The following TEX14 variants were observed in gnomAD, a reference collection of about 807,000 sequenced individuals.
TEX14 encodes the protein testis expressed 14, intercellular bridge forming factor.
In TEX14, 168 loss-of-function variants were observed where a neutral mutation model predicts 178.6. That is an observed-to-expected ratio of 0.94 (90% CI 0.83 to 1.07). The LOEUF (loss-of-function observed/expected upper bound fraction) is 1.07. Ranked by LOEUF, TEX14 falls within the 50% of genes least tolerant of loss-of-function variation. TEX14 has a pLI of 0.00. For synonymous variants in TEX14, 626 were observed against 634.1 expected (o/e 0.99, Z 0.19); for missense variants, 1,730 against 1,753.6 (o/e 0.99, Z 0.24).
Position 58,599,416 on chromosome 17 carries a change from A to G in TEX14, c.1929T>C (p.Ala643=), listed in dbSNP as rs1415443390. The G allele has an allele frequency of 6.2e-7, 1 of 1,614,220 alleles. No homozygotes were observed. Among genetic ancestry groups the G allele is most frequent in the East Asian group, 2.2e-5 (1 of 44,880 alleles). The change falls in exon 14 of 32, where the codon GCT becomes GCC. Residue 643 remains alanine (A), a synonymous_variant. Transcript: ENST00000349033. ...EDDIEEPPGA[A]SSLEADGPNQ... The stretch of plus-strand genomic sequence containing the variant: ...TAGGTCCGTCTGCCTCCAAAGATGA[A>G]GCAGCTCCTGGAGGCTCTTCTATGT...
In TEX14 at chr17:58,556,912, C is replaced by A; in HGVS notation, c.*99G>T. On this transcript the variant is annotated 3_prime_UTR_variant, in exon 32 of 32. Coordinates refer to ENST00000349033, the MANE Select transcript of TEX14 (RefSeq NM_031272.5). Reference sequence around the variant, plus strand: ...CAAAGTGAGACTTACAGAACTGGAACTGCTGCCCTGACAGCAACTGAAGCA... The same window carrying A: ...CAAAGTGAGACTTACAGAACTGGAAATGCTGCCCTGACAGCAACTGAAGCA... 1.0e-6 allele frequency: 1 copy of A among 976,414 alleles called. No homozygotes were observed. Among genetic ancestry groups the A allele is most frequent in the Non-Finnish European group, 1.7e-6 (1 of 601,472 alleles). 60.5% of individuals were successfully genotyped at this position (976,414 alleles called of 1,614,324 possible).
rs1399919012 is a variant in TEX14, at chr17:58,651,896, A to C, written c.106T>G (p.Tyr36Asp). The change falls in exon 2 of 32, where the codon TAT becomes GAT. Residue 36 changes from tyrosine (Y) to aspartate (D), a missense_variant. Physicochemically the swap from Tyr to Asp is radical, Grantham distance 160 (BLOSUM62 -3). This residue lies in a region of TEX14 where 789 missense variants were observed against 681.2 expected (regional missense o/e 1.16). Coordinates refer to ENST00000349033, the MANE Select transcript of TEX14 (RefSeq NM_031272.5). ...TTAAGAATTTTCTTCACTTTCACAT[A>C]GTTCCCTTGTTTGACATACTCATGA... ...QLHEYVKQGN[Y>D]VKVKKILKKG... 6.2e-7 allele frequency: 1 copy of C among 1,610,114 alleles called. No individual in the cohort carries two copies. The highest frequency in any genetic ancestry group is 1.7e-5 in the Admixed American group (1 of 58,634).
At chr17:58,614,850 G>A (rs1199656011) in intron 8 of TEX14, among the ~76,000 whole-genome samples, 3 of 152,206 alleles carry the variant, frequency 2.0e-5, no homozygotes, top group African/African-American at 4.8e-5. Flanking sequence ...TGGATCTTAA[G>A]CAAGCCATGC....
At chr17:58,660,555 G>C (rs368083077) in intron 1 of TEX14, 1 of 777,602 alleles carries the variant, frequency 1.3e-6, no homozygotes, top group Non-Finnish European at 2.4e-6. Context: ...GCACCCTGCA[G>C]TCCTGCGGTG....
intron 5 of TEX14, among the ~76,000 whole-genome samples, chr17:58,620,038 T>C (rs564335264): frequency 1.3e-5 from 2 of 152,264 alleles, no homozygotes; most frequent in Non-Finnish European, 2.9e-5. Flanking sequence ...TAGCAATGAA[T>C]AGGATAGACA....
intron 1 of TEX14, among the ~76,000 whole-genome samples, chr17:58,683,371 C>T (rs1418953356): frequency 1.4e-5 from 2 of 143,230 alleles, no homozygotes; most frequent in African/African-American, 5.2e-5. Context: ...AGACTCCATC[C>T]CCCCCCCCAA....
intron 1 of TEX14, among the ~76,000 whole-genome samples, chr17:58,683,989 C>T (rs1219815094): frequency 2.0e-5 from 3 of 151,882 alleles, no homozygotes; most frequent in South Asian, 2.1e-4. Flanking sequence ...TGCTTGAACC[C>T]GAGAGACGGA....
intron 1 of TEX14, among the ~76,000 whole-genome samples, chr17:58,679,897 T>C (rs1027303668): frequency 6.6e-6 from 1 of 152,172 alleles, no homozygotes; most frequent in African/African-American, 2.4e-5. Flanking sequence ...CAGCAGTCAC[T>C]GCGCTTATCT....
In TEX14 at chr17:58,615,350, A is replaced by C. The variant is rs1270229322; in HGVS notation, c.768-5T>G. On this transcript the variant is annotated splice_polypyrimidine_tract_variant and splice_region_variant and intron_variant, in intron 7 of 31. Transcript: ENST00000349033. ...CTGCTCCCATTCCACACTAGGCTAC[A>C]AGGACAGGAAAGAGTTTCAGCAGAA... 1.3e-6 allele frequency: 2 copies of C among 1,556,892 alleles called. No individual in the cohort carries two copies. Among genetic ancestry groups the C allele is most frequent in the Non-Finnish European group, 1.8e-6 (2 of 1,128,028 alleles).
At chr17:58,558,059 G>A (rs183954421) in intron 30 of TEX14, among the ~76,000 whole-genome samples, 92 of 152,230 alleles carry the variant, frequency 6.0e-4, no homozygotes, top group Middle Eastern at 3.4e-3. Context: ...AGCAATGGGC[G>A]CTAATGACAC....
At chr17:58,682,079 G>A (rs2047509486) in intron 1 of TEX14, among the ~76,000 whole-genome samples, 1 of 151,602 alleles carries the variant, frequency 6.6e-6, no homozygotes, top group Non-Finnish European at 1.5e-5. Context: ...CTCCTGAGTA[G>A]CTGGGACTAC....
chr17:58,573,930 CAG>C (rs139752801), intron 22 of TEX14, among the ~76,000 whole-genome samples: 1,772 of 152,218 alleles, frequency 0.012, 42 homozygotes, highest in African/African-American at 0.041. Flanking sequence ...ACGTGGAAAA[CAG>C]ATTTAATCTA....
rs376483972 is a variant in TEX14 at position 58,660,946 on chromosome 17, C to G, written c.-1-8944G>C. The G allele has an allele frequency of 2.8e-6, 3 of 1,072,902 alleles. No homozygotes were observed. The African/African-American group carries it at 4.6e-5, about 17-fold the overall frequency. 66.5% of individuals were successfully genotyped at this position (1,072,902 alleles called of 1,614,324 possible). Reference sequence around the variant, plus strand: ...TTGAAGAGTCTTTCTCTCCCAGGATCTTTATTTCCTGATCAATGCTCTCAA... The same window carrying G: ...TTGAAGAGTCTTTCTCTCCCAGGATGTTTATTTCCTGATCAATGCTCTCAA... On this transcript the variant is annotated intron_variant, in intron 1 of 31. Transcript: ENST00000349033.
At chr17:58,621,269 C>A (rs898627276) in intron 5 of TEX14, among the ~76,000 whole-genome samples, 6 of 152,148 alleles carry the variant, frequency 3.9e-5, no homozygotes, top group African/African-American at 1.4e-4. Flanking sequence ...TGGTCTTTTG[C>A]AACCTTAGTA....
chr17:58,557,491 G>C (rs1395198195), intron 31 of TEX14, among the ~76,000 whole-genome samples: 1 of 151,924 alleles, frequency 6.6e-6, no homozygotes, highest in East Asian at 1.9e-4. Flanking sequence ...GGCTGGTCTC[G>C]AACTCCTGAC....
intron 1 of TEX14, chr17:58,679,531 G>A (rs1311009491): frequency 6.6e-6 from 1 of 152,138 alleles, no homozygotes; most frequent in Non-Finnish European, 1.5e-5. Context: ...CAGATCAGGG[G>A]AGAGAACCAA....
At chr17:58,677,874 G>C (rs1332867935) in intron 1 of TEX14, 2 of 152,316 alleles carry the variant, frequency 1.3e-5, no homozygotes, top group East Asian at 3.8e-4. Context: ...AGAAATGGCT[G>C]GGCACGGTGG....
intron 6 of TEX14, among the ~76,000 whole-genome samples, chr17:58,617,264 T>C (rs1364428077): frequency 1.3e-5 from 2 of 152,004 alleles, no homozygotes; most frequent in Admixed American, 6.6e-5. Flanking sequence ...AAAATAATAA[T>C]TAAAAATTAA....
At position 58,582,868 on chromosome 17, in the gene TEX14, AATTT is replaced by A. The variant is rs139827236; in HGVS notation, c.3171+1628_3171+1631del. Among the ~76,000 whole-genome samples the A allele has an allele frequency of 6.4e-3, 966 of 151,484 alleles. 5 individuals carry two copies. The highest frequency in any genetic ancestry group is 0.022 in the African/African-American group (904 of 41,324). On this transcript the variant is annotated intron_variant, in intron 19 of 31. Coordinates refer to ENST00000349033, the MANE Select transcript of TEX14 (RefSeq NM_031272.5). ...TGTGAGCCACCGCGACCGGCCTGCA[AATTT>A]ATTTCTTTAGCATCTCTGCTCCACC...
Sources: gnomAD v4.1 joint callset for allele counts (sites outside exome capture counted in the v4.1 genomes callset) on GRCh38, gnomAD v4.1.1 for gene constraint, gnomAD v4.1.1 regional missense constraint, MANE v1.5 for transcripts, NCBI Gene and HGNC (gene_info 2026-07-23, HGNC 2026-07-21) for gene names.